Variants in ZNF563 observed in about 807,000 individuals in gnomAD.
The protein encoded by ZNF563 is zinc finger protein 563.
A neutral mutation model predicts 48.5 loss-of-function variants in ZNF563; 39 were observed. The ratio of observed to expected loss-of-function variants is 0.80; its 90% CI spans 0.62 to 1.05. The LOEUF is 1.05. Ranked by LOEUF, ZNF563 falls within the 50% of genes least tolerant of loss-of-function variation. The pLI is 0.00. For synonymous variants in ZNF563, 168 were observed against 187.9 expected (o/e 0.89, Z 0.87); for missense variants, 538 against 597.0 (o/e 0.90, Z 1.03).
chr19:12,329,283 C>T (rs1279336191), intron 1 of ZNF563, among the ~76,000 whole-genome samples: 2 of 152,010 alleles, frequency 1.3e-5, no homozygotes, highest in African/African-American at 4.8e-5. Context: ...ACCTGCTTGG[C>T]CAACATGGTG....
At chr19:12,346,219 A>T in the ZNF563 span, 1 of 152,160 alleles carries the variant, frequency 6.6e-6, no homozygotes, top group Non-Finnish European at 1.5e-5. Context: ...AAAACTAAAA[A>T]TTTTAAATAA....
intron 1 of ZNF563, among the ~76,000 whole-genome samples, chr19:12,332,726 C>T (rs1472653879): frequency 6.6e-6 from 1 of 152,124 alleles, no homozygotes; most frequent in Admixed American, 6.5e-5. Context: ...CTCCCTGCTG[C>T]CTTGGCACTC....
chr19:12,327,886 T>C (rs1011400788), intron 1 of ZNF563, among the ~76,000 whole-genome samples: 1 of 152,132 alleles, frequency 6.6e-6, no homozygotes, highest in Non-Finnish European at 1.5e-5. Context: ...GCCCATAAAA[T>C]AGAGGATCAA....
the ZNF563 span, among the ~76,000 whole-genome samples, chr19:12,340,667 C>G: frequency 6.6e-6 from 1 of 152,106 alleles, no homozygotes; most frequent in African/African-American, 2.4e-5. Flanking sequence ...GTCCCAGCTA[C>G]TCAGGAGGCT....
upstream of ZNF563, among the ~76,000 whole-genome samples, chr19:12,334,076 G>A (rs988813797): frequency 6.6e-6 from 1 of 152,192 alleles, no homozygotes; most frequent in African/African-American, 2.4e-5. Flanking sequence ...ACTGCAGCAG[G>A]AGGGTGGCCT....
At chr19:12,328,962 A>C (rs562475098) in intron 1 of ZNF563, among the ~76,000 whole-genome samples, 6 of 152,260 alleles carry the variant, frequency 3.9e-5, no homozygotes, top group South Asian at 2.1e-4. Context: ...GCTGATGAAA[A>C]AGGATATATT....
upstream of ZNF563, among the ~76,000 whole-genome samples, chr19:12,337,928 C>CAATA (rs949799037): frequency 1.1e-4 from 16 of 151,858 alleles, no homozygotes; most frequent in South Asian, 2.1e-4. Context: ...CCATGTCTAC[C>CAATA]AATAAATAAA....
At chr19:12,340,498 G>T in the ZNF563 span, among the ~76,000 whole-genome samples, 1 of 152,152 alleles carries the variant, frequency 6.6e-6, no homozygotes, top group African/African-American at 2.4e-5. Flanking sequence ...AGTCAGCTAG[G>T]CATGATGGCT....
chr19:12,346,817 G>C, the ZNF563 span: 1 of 152,168 alleles, frequency 6.6e-6, no homozygotes, highest in Non-Finnish European at 1.5e-5. Flanking sequence ...CCTTGAAAAC[G>C]TTCTAAGTGA....
chr19:12,318,301 T>A lies in ZNF563; in HGVS notation c.*293A>T. ...AGCCACTGTGCCCAGCCTCATGTAC[T>A]TTTAAGTTACCAAAATGACTGAAGG... On this transcript the variant is annotated 3_prime_UTR_variant, in exon 4 of 4. Coordinates refer to ENST00000293725, the MANE Select transcript of ZNF563 (RefSeq NM_145276.3). 2 of 430,422 alleles carry A rather than the reference T, an allele frequency of 4.6e-6. No homozygotes were observed. The highest frequency in any genetic ancestry group is 8.3e-6 in the Non-Finnish European group (2 of 240,062). The allele number at this position is 430,422 out of a possible 1,614,324, so 26.7% of individuals were successfully genotyped here.
At chr19:12,321,413 T>C in intron 2 of ZNF563, 81 bp from the exon 3 acceptor site, 1 of 848,798 alleles carries the variant, frequency 1.2e-6, no homozygotes, top group Admixed American at 3.4e-5. Context: ...ACTGCAATCA[T>C]ACATGATTCG....
chr19:12,328,766 T>C (rs1406378937), intron 1 of ZNF563, among the ~76,000 whole-genome samples: 1 of 151,618 alleles, frequency 6.6e-6, no homozygotes, highest in Non-Finnish European at 1.5e-5. Flanking sequence ...TGAAACTCCA[T>C]CTCAAAATAA....
chr19:12,344,362 CAAAA>C, the ZNF563 span, among the ~76,000 whole-genome samples: 1 of 72,810 alleles, frequency 1.4e-5, no homozygotes, highest in African/African-American at 4.5e-5. Flanking sequence ...GACATTGTCT[CAAAA>C]AAAAAAAAAA....
At chr19:12,325,953 A>T (rs1968781625) in intron 1 of ZNF563, among the ~76,000 whole-genome samples, 1 of 152,248 alleles carries the variant, frequency 6.6e-6, no homozygotes, top group Non-Finnish European at 1.5e-5. Flanking sequence ...ATGAATAGTT[A>T]CAGCCTTCAT....
At chr19:12,322,531 A>T (rs1251797612) in intron 2 of ZNF563, 54 bp downstream of exon 2, 2 of 1,535,022 alleles carry the variant, frequency 1.3e-6, no homozygotes, top group South Asian at 2.3e-5. Context: ...AGCACTGATG[A>T]CCATGAAACA....
chr19:12,318,494 G>A lies in ZNF563; in HGVS notation c.*100C>T, dbSNP rs925395730. The A allele has an allele frequency of 4.7e-6, 6 of 1,284,820 alleles. No individual in the cohort carries two copies. In the Admixed American group the frequency reaches 9.9e-5, roughly 21 times the overall value. The allele number at this position is 1,284,820 out of a possible 1,614,324, so 79.6% of individuals were successfully genotyped here. On this transcript the variant is annotated 3_prime_UTR_variant, in exon 4 of 4. Transcript: ENST00000293725. ...TTGAAAGGAATAAAAATTATGAAAG[G>A]CTTTCCCACATTTACATTTATAGGG... is the stretch of plus-strand genomic sequence containing the variant.
the ZNF563 span, among the ~76,000 whole-genome samples, chr19:12,341,104 G>A: frequency 6.6e-6 from 1 of 152,306 alleles, no homozygotes; most frequent in South Asian, 2.1e-4. Flanking sequence ...AAGATGCAGT[G>A]CAGTGGCACA....
chr19:12,344,110 T>G, the ZNF563 span, among the ~76,000 whole-genome samples: 19 of 151,964 alleles, frequency 1.3e-4, no homozygotes, highest in South Asian at 3.4e-3. Flanking sequence ...TGGAATTTGT[T>G]GGCCAGGAAC....
At position 12,317,553 on chromosome 19, in the gene ZNF563, T is replaced by C. The variant is rs10410020; in HGVS notation, c.*1041A>G. On this transcript the variant is annotated 3_prime_UTR_variant, in exon 4 of 4. Coordinates refer to ENST00000293725, the MANE Select transcript of ZNF563 (RefSeq NM_145276.3). ...AGGCTGGAGTGCAGTGGCGCGATCT[T>C]GGCTCACCGCAACCTCCGCCTCCCG... is the stretch of plus-strand genomic sequence containing the variant. 30,184 of 150,162 alleles carry C rather than the reference T, an allele frequency of 0.2. 3,258 individuals are homozygous for C. The highest frequency in any genetic ancestry group is 0.27 in the African/African-American group (10,823 of 40,574). 9.3% of individuals were successfully genotyped at this position (150,162 alleles called of 1,614,324 possible).
Sources: gnomAD v4.1 joint callset for allele counts (sites outside exome capture counted in the v4.1 genomes callset) on GRCh38, gnomAD v4.1.1 for gene constraint, MANE v1.5 for transcripts, NCBI Gene and HGNC (gene_info 2026-07-23, HGNC 2026-07-21) for gene names.